SSPN: variants seen among roughly 807,000 people sequenced by gnomAD.
SSPN encodes the protein K-ras oncogene-associated protein.
SSPN carries 15 observed loss-of-function variants against 19.1 expected under a neutral mutation model. The ratio of observed to expected loss-of-function variants is 0.78; its 90% CI spans 0.52 to 1.21. The LOEUF (loss-of-function observed/expected upper bound fraction) is 1.21. Ranked by LOEUF, SSPN falls within the 50% of genes most tolerant of loss-of-function variation. SSPN has a pLI of 0.00. For synonymous variants in SSPN, 147 were observed against 140.3 expected, an observed-to-expected ratio of 1.05 and a Z score of -0.34; for missense variants, 291 against 314.0, an observed-to-expected ratio of 0.93 and a Z score of 0.55.
intron 1 of SSPN, among the ~76,000 whole-genome samples, chr12:26,208,018 T>TGGGGG (rs57868336): frequency 7.4e-6 from 1 of 134,796 alleles, no homozygotes; most frequent in Non-Finnish European, 1.6e-5. Flanking sequence ...GTGGTGGTGG[T>TGGGGG]GGGGGGGGGG....
chr12:26,207,279 T>C (rs952478843), intron 1 of SSPN, among the ~76,000 whole-genome samples: 4 of 152,238 alleles, frequency 2.6e-5, no homozygotes, highest in Non-Finnish European at 4.4e-5. Flanking sequence ...TTTAAAATTA[T>C]AAACATTTCA....
At chr12:26,198,995 C>T (rs772253144) in intron 1 of SSPN, among the ~76,000 whole-genome samples, 34 of 152,226 alleles carry the variant, frequency 2.2e-4, no homozygotes, top group Non-Finnish European at 4.0e-4. Context: ...GAGGCACCCA[C>T]GCTGTCTACA....
At chr12:26,222,838 C>A (rs1243205493) in intron 1 of SSPN, among the ~76,000 whole-genome samples, 1 of 152,198 alleles carries the variant, frequency 6.6e-6, no homozygotes, top group Admixed American at 6.5e-5. Flanking sequence ...GGCATGTCCA[C>A]CGTCTTTTTG....
At chr12:26,154,567 G>A (rs1944545193) in intron 1 of SSPN, among the ~76,000 whole-genome samples, 1 of 152,128 alleles carries the variant, frequency 6.6e-6, no homozygotes, top group Non-Finnish European at 1.5e-5. Flanking sequence ...TCAGGTTCTG[G>A]CACTAGTTAA....
upstream of SSPN, among the ~76,000 whole-genome samples, chr12:26,193,041 T>C (rs1372022376): frequency 6.6e-6 from 1 of 152,242 alleles, no homozygotes; most frequent in Non-Finnish European, 1.5e-5. Flanking sequence ...CTAGTACTAA[T>C]AGGAATAATG....
chr12:26,163,640 C>T (rs1025764490), intron 1 of SSPN, among the ~76,000 whole-genome samples: 10 of 152,160 alleles, frequency 6.6e-5, no homozygotes, highest in Non-Finnish European at 1.3e-4. Context: ...GGACATTAAT[C>T]TCATTAAGAG....
chr12:26,147,017 C>G (rs1944496063), intron 1 of SSPN, among the ~76,000 whole-genome samples: 2 of 151,994 alleles, frequency 1.3e-5, no homozygotes, highest in East Asian at 3.9e-4. Flanking sequence ...TGACTGATAA[C>G]AAGGATTCGG....
intron 1 of SSPN, among the ~76,000 whole-genome samples, chr12:26,197,193 C>T (rs1217282166): frequency 6.6e-6 from 1 of 152,172 alleles, no homozygotes; most frequent in Non-Finnish European, 1.5e-5. Context: ...CACAAAACGT[C>T]CCTCAAAATA....
intron 2 of SSPN, among the ~76,000 whole-genome samples, chr12:26,225,268 A>T (rs377070922): frequency 1.3e-5 from 2 of 150,182 alleles, no homozygotes; most frequent in African/African-American, 4.9e-5. Flanking sequence ...TGAAAAAAAT[A>T]AGGTGTGTTG....
At chr12:26,214,489 A>G (rs1447783387) in intron 1 of SSPN, among the ~76,000 whole-genome samples, 1 of 152,214 alleles carries the variant, frequency 6.6e-6, no homozygotes, top group Non-Finnish European at 1.5e-5. Flanking sequence ...TTTTATAGGT[A>G]GGGAAACTGA....
chr12:26,149,300 A>G (rs1366310590), intron 1 of SSPN, among the ~76,000 whole-genome samples: 3 of 152,236 alleles, frequency 2.0e-5, no homozygotes, highest in Non-Finnish European at 4.4e-5. Context: ...GTATTTGTAT[A>G]CATCTACAAT....
At chr12:26,122,455 G>T in intron 1 of SSPN, 1 of 1,356,994 alleles carries the variant, frequency 7.4e-7, no homozygotes, top group Non-Finnish European at 9.6e-7. Flanking sequence ...GAAGGCGAGA[G>T]GAAGCAGAAG....
chr12:26,148,093 G>T (rs570780515), intron 1 of SSPN, among the ~76,000 whole-genome samples: 1 of 152,274 alleles, frequency 6.6e-6, no homozygotes, highest in Non-Finnish European at 1.5e-5. Flanking sequence ...TCTGTCAAGG[G>T]AGGGACTCAA....
At chr12:26,155,636 G>C (rs915207407) in intron 1 of SSPN, among the ~76,000 whole-genome samples, 6 of 152,152 alleles carry the variant, frequency 3.9e-5, no homozygotes, top group African/African-American at 1.4e-4. Context: ...ATCTGAAAGA[G>C]GAAATTTGAA....
chr12:26,226,824 C>G (rs538391426), intron 2 of SSPN, among the ~76,000 whole-genome samples: 1 of 152,262 alleles, frequency 6.6e-6, no homozygotes, highest in East Asian at 1.9e-4. Flanking sequence ...CAGTGCGCTG[C>G]AGAAGGGCCC....
At chr12:26,164,237 C>T (rs7300697) in intron 1 of SSPN, among the ~76,000 whole-genome samples, 63,864 of 152,018 alleles carry the variant, frequency 0.42, 15,667 homozygotes, top group Admixed American at 0.58. Flanking sequence ...TGAATCATGG[C>T]GCAAGCTTGT....
At chr12:26,226,421 G>A (rs1443309549) in intron 2 of SSPN, among the ~76,000 whole-genome samples, 1 of 152,146 alleles carries the variant, frequency 6.6e-6, no homozygotes, top group African/African-American at 2.4e-5. Context: ...AAGCAAACGG[G>A]CCATGATGAC....
Position 26,231,245 on chromosome 12 carries a change from A to G in SSPN, c.*169A>G. On this transcript the variant is annotated 3_prime_UTR_variant, in exon 3 of 3. Coordinates refer to ENST00000242729, the MANE Select transcript of SSPN (RefSeq NM_005086.5). Reference sequence around the variant, plus strand: ...CAAAAGAGCATTTCTTCAGGTTTCTATTGTATTTTTTTTAACATTCTTGCA... The same window carrying G: ...CAAAAGAGCATTTCTTCAGGTTTCTGTTGTATTTTTTTTAACATTCTTGCA... 2.7e-6 allele frequency: 3 copies of G among 1,096,290 alleles called. No homozygotes were observed. The highest frequency in any genetic ancestry group is 4.1e-5 in the South Asian group (2 of 48,650). 67.9% of individuals were successfully genotyped at this position (1,096,290 alleles called of 1,614,324 possible). A position where few individuals can be genotyped will look rare whatever the true frequency, so the allele number is the denominator to read the frequency against.
At chr12:26,161,764 AC>A (rs1944590504) in intron 1 of SSPN, among the ~76,000 whole-genome samples, 1 of 152,146 alleles carries the variant, frequency 6.6e-6, no homozygotes. Flanking sequence ...AACTGTTCCA[AC>A]TCCCATCATG....
Sources: gnomAD v4.1 joint callset for allele counts (sites outside exome capture counted in the v4.1 genomes callset) on GRCh38, gnomAD v4.1.1 for gene constraint, MANE v1.5 for transcripts, NCBI Gene and HGNC (gene_info 2026-07-23, HGNC 2026-07-21) for gene names.